The following FHIT variants were observed in gnomAD, a reference collection of about 807,000 sequenced individuals.
FHIT encodes bis(5'-adenosyl)-triphosphatase.
Under a neutral mutation model 17.9 loss-of-function variants are expected in FHIT, and 19 were observed. That is an observed-to-expected ratio of 1.06 (90% confidence interval 0.74 to 1.56). The LOEUF is 1.56. Among genes scored for constraint, FHIT ranks in the 40% most tolerant of loss-of-function variants. The pLI is 0.00. For synonymous variants in FHIT, 81 were observed against 69.7 expected (o/e 1.16, Z -0.81); for missense variants, 248 against 189.2 (o/e 1.31, Z -1.82).
chr3:60,231,376 T>G (rs1704487757), intron 5 of FHIT, among the ~76,000 whole-genome samples: 1 of 152,182 alleles, frequency 6.6e-6, no homozygotes, highest in African/African-American at 2.4e-5. Flanking sequence ...AACACTTTCA[T>G]GTAACCAACG....
At chr3:59,864,755 G>A (rs1022717506) in intron 8 of FHIT, among the ~76,000 whole-genome samples, 1 of 151,172 alleles carries the variant, frequency 6.6e-6, no homozygotes, top group South Asian at 2.1e-4. Flanking sequence ...CTTTTCTGTG[G>A]AAGAAGGAAG....
intron 4 of FHIT, among the ~76,000 whole-genome samples, chr3:60,739,348 A>G (rs1052336594): frequency 2.6e-4 from 40 of 152,178 alleles, no homozygotes; most frequent in Non-Finnish European, 1.9e-4. Context: ...AGAGCATTGT[A>G]ACACTGGGGC....
At chr3:59,906,086 T>C (rs1288310306) in intron 8 of FHIT, among the ~76,000 whole-genome samples, 1 of 152,212 alleles carries the variant, frequency 6.6e-6, no homozygotes, top group Non-Finnish European at 1.5e-5. Flanking sequence ...GATCTTTCCT[T>C]TTCAAAAGAC....
rs182065012 is a variant in FHIT, at chr3:61,119,943, A to G, written c.-163-77844T>C. On this transcript the variant is annotated intron_variant, in intron 2 of 9. Transcript: ENST00000492590. ...ATCTCCAGCTTGCAGACGGCAGATCATGGGACTTCTCCACCTCCATAATCA... is the reference window on the plus strand; with the variant it reads ...ATCTCCAGCTTGCAGACGGCAGATCGTGGGACTTCTCCACCTCCATAATCA... 4.0e-3 allele frequency among the ~76,000 whole-genome samples: 604 copies of G among 152,320 alleles called. 3 individuals are homozygous for G. Among genetic ancestry groups the G allele is most frequent in the African/African-American group, 0.014 (570 of 41,570 alleles).
At chr3:60,086,336 A>G (rs1703492427) in intron 5 of FHIT, among the ~76,000 whole-genome samples, 1 of 152,172 alleles carries the variant, frequency 6.6e-6, no homozygotes, top group South Asian at 2.1e-4. Flanking sequence ...TGTGGTTTTG[A>G]GAAGACAAAC....
intron 5 of FHIT, among the ~76,000 whole-genome samples, chr3:60,338,722 C>A (rs1710366261): frequency 6.6e-6 from 1 of 152,164 alleles, no homozygotes; most frequent in African/African-American, 2.4e-5. Flanking sequence ...CCAGTGAATA[C>A]AGAAGACCAT....
intron 8 of FHIT, among the ~76,000 whole-genome samples, chr3:59,836,030 C>A (rs1701326982): frequency 6.6e-6 from 1 of 152,100 alleles, no homozygotes; most frequent in South Asian, 2.1e-4. Context: ...CCCTCACTCC[C>A]CATAGTACCT....
chr3:61,071,088 T>A (rs2034789496), intron 2 of FHIT, among the ~76,000 whole-genome samples: 4 of 152,214 alleles, frequency 2.6e-5, no homozygotes, highest in Admixed American at 6.5e-5. Context: ...TGGGGTTCCA[T>A]TTTTGCCTTG....
chr3:60,590,310 T>A (rs901900027), intron 4 of FHIT, among the ~76,000 whole-genome samples: 1 of 151,998 alleles, frequency 6.6e-6, no homozygotes, highest in African/African-American at 2.4e-5. Flanking sequence ...CAAAAGTTAA[T>A]CAAAATTCAT....
chr3:60,803,559 CTT>C (rs1701274998), intron 4 of FHIT, among the ~76,000 whole-genome samples: 1 of 152,050 alleles, frequency 6.6e-6, no homozygotes, highest in South Asian at 2.1e-4. Flanking sequence ...ATGAGAAAGC[CTT>C]TTATGTGGAA....
At chr3:60,539,946 T>A (rs1416687835) in intron 4 of FHIT, among the ~76,000 whole-genome samples, 1 of 149,296 alleles carries the variant, frequency 6.7e-6, no homozygotes, top group East Asian at 2.0e-4. Flanking sequence ...ATAATAAAAA[T>A]ATATATATAT....
chr3:60,893,796 C>G (rs1040470193), intron 3 of FHIT, among the ~76,000 whole-genome samples: 1 of 152,182 alleles, frequency 6.6e-6, no homozygotes, highest in Non-Finnish European at 1.5e-5. Context: ...CAGGTACCTT[C>G]CAACCAAATT....
chr3:59,837,418 T>G (rs756329555), intron 8 of FHIT, among the ~76,000 whole-genome samples: 1 of 152,204 alleles, frequency 6.6e-6, no homozygotes, highest in Non-Finnish European at 1.5e-5. Context: ...CTTTATTGTT[T>G]AGGGAATAAT....
At chr3:60,552,310 G>C (rs2107627434) in intron 4 of FHIT, among the ~76,000 whole-genome samples, 1 of 152,268 alleles carries the variant, frequency 6.6e-6, no homozygotes, top group African/African-American at 2.4e-5. Context: ...GTTTTGTGTG[G>C]ACTTATGTTT....
intron 1 of FHIT, among the ~76,000 whole-genome samples, chr3:61,230,834 A>G (rs1198045885): frequency 6.6e-6 from 1 of 152,238 alleles, no homozygotes; most frequent in East Asian, 1.9e-4. Context: ...CTGAAATTCT[A>G]AAGTTTTGGA....
At chr3:60,039,347 G>A (rs917825179) in intron 5 of FHIT, among the ~76,000 whole-genome samples, 11 of 152,080 alleles carry the variant, frequency 7.2e-5, no homozygotes, top group Admixed American at 5.9e-4. Flanking sequence ...TGGGGCTTTG[G>A]CATAAGAGCA....
At chr3:60,168,786 G>A (rs1701291905) in intron 5 of FHIT, among the ~76,000 whole-genome samples, 1 of 152,170 alleles carries the variant, frequency 6.6e-6, no homozygotes, top group Non-Finnish European at 1.5e-5. Flanking sequence ...AAAGGTTGAA[G>A]ATTATTTTTG....
At chr3:60,923,223 T>G (rs1707378943) in intron 3 of FHIT, among the ~76,000 whole-genome samples, 1 of 152,216 alleles carries the variant, frequency 6.6e-6, no homozygotes, top group African/African-American at 2.4e-5. Flanking sequence ...CCACAAACGT[T>G]TAGGGAAGAA....
chr3:60,301,818 T>C (rs1418103125), intron 5 of FHIT, among the ~76,000 whole-genome samples: 3 of 152,110 alleles, frequency 2.0e-5, no homozygotes, highest in East Asian at 1.9e-4. Context: ...GAAGCACAGA[T>C]TACTCTTATT....
Sources: gnomAD v4.1 joint callset for allele counts (sites outside exome capture counted in the v4.1 genomes callset) on GRCh38, gnomAD v4.1.1 for gene constraint, MANE v1.5 for transcripts, NCBI Gene and HGNC (gene_info 2026-07-23, HGNC 2026-07-21) for gene names.